The following ASIC2 variants were observed in gnomAD, a reference collection of about 807,000 sequenced individuals.
The protein encoded by ASIC2 is acid-sensing ion channel 2.
Under a neutral mutation model 57.3 loss-of-function variants are expected in ASIC2, and 25 were observed. The ratio of observed to expected loss-of-function variants is 0.44; its 90% CI spans 0.32 to 0.61. ASIC2 has a LOEUF of 0.61. ASIC2 is among the 20% of genes least tolerant of loss of function. The pLI, the probability that ASIC2 is intolerant of heterozygous loss-of-function variation, is 0.06. For missense variants in ASIC2, 641 were observed against 738.1 expected (o/e 0.87, Z 1.52); for synonymous variants, 319 against 307.5 (o/e 1.04, Z -0.39).
chr17:33,813,215 A>C (rs891307699), intron 1 of ASIC2, among the ~76,000 whole-genome samples: 1 of 152,140 alleles, frequency 6.6e-6, no homozygotes, highest in African/African-American at 2.4e-5. Context: ...AGAGGTAGAG[A>C]GCAAAGAGCC....
At chr17:33,071,066 G>A (rs1044225937) in intron 3 of ASIC2, among the ~76,000 whole-genome samples, 1 of 151,912 alleles carries the variant, frequency 6.6e-6, no homozygotes. Context: ...GAGCAATTTC[G>A]GTATGACTTT....
intron 1 of ASIC2, among the ~76,000 whole-genome samples, chr17:33,869,069 G>A (rs1303017615): frequency 6.6e-6 from 1 of 152,012 alleles, no homozygotes; most frequent in Non-Finnish European, 1.5e-5. Flanking sequence ...TGTCTCAAAA[G>A]AGAAAACAAA....
intron 1 of ASIC2, among the ~76,000 whole-genome samples, chr17:33,742,436 C>T (rs1017674346): frequency 2.0e-5 from 3 of 152,172 alleles, no homozygotes; most frequent in Non-Finnish European, 2.9e-5. Flanking sequence ...GCACTGTGTT[C>T]GCTCTTGCTG....
At position 34,123,590 on chromosome 17, in the gene ASIC2, G is replaced by C. The variant is rs377540012; in HGVS notation, c.555+32388C>G. On this transcript the variant is annotated intron_variant, in intron 1 of 9. Transcript: ENST00000359872. The stretch of plus-strand genomic sequence containing the variant: ...ACTGCATAGGTGGTGTATTGGCTAA[G>C]AGCCTGGAGTCTACAACCAGATAGT... 2.8e-4 allele frequency among the ~76,000 whole-genome samples: 43 copies of C among 152,304 alleles called. 1 individual carries two copies. The highest frequency in any genetic ancestry group is 1.7e-3 in the East Asian group (9 of 5,172).
chr17:33,651,480 C>T (rs911113109), intron 1 of ASIC2, among the ~76,000 whole-genome samples: 6 of 152,186 alleles, frequency 3.9e-5, no homozygotes, highest in African/African-American at 1.2e-4. Context: ...GATGTGCATT[C>T]GCAAGCTGCC....
intron 3 of ASIC2, among the ~76,000 whole-genome samples, chr17:33,051,377 G>A (rs2091975301): frequency 6.6e-6 from 1 of 152,164 alleles, no homozygotes; most frequent in Non-Finnish European, 1.5e-5. Flanking sequence ...CTCTTTCTGG[G>A]TTACTGTGTG....
chr17:33,993,869 C>T (rs923799981), intron 1 of ASIC2, among the ~76,000 whole-genome samples: 2 of 152,132 alleles, frequency 1.3e-5, no homozygotes, highest in African/African-American at 2.4e-5. Flanking sequence ...CGGGCTTTTT[C>T]AGTTAAAAAT....
At chr17:33,683,288 G>T (rs144251591) in intron 1 of ASIC2, among the ~76,000 whole-genome samples, 1 of 152,156 alleles carries the variant, frequency 6.6e-6, no homozygotes, top group African/African-American at 2.4e-5. Context: ...GGATGGTCTC[G>T]ATCTCCTGAC....
rs1046944765 is a variant in ASIC2, at chr17:33,037,764, G to A, written c.988-9372C>T. On this transcript the variant is annotated intron_variant, in intron 3 of 9. Coordinates refer to ENST00000225823, the MANE Select transcript of ASIC2 (RefSeq NM_183377.2). ...TATTTTTGTTGCAGGCACTGTGGTAGGTAGGCACATTATAAGCATTGGATA... is the reference window on the plus strand; with the variant it reads ...TATTTTTGTTGCAGGCACTGTGGTAAGTAGGCACATTATAAGCATTGGATA... Among the ~76,000 whole-genome samples the A allele has an allele frequency of 1.1e-4, 16 of 152,300 alleles. No homozygotes were observed. The East Asian group carries it at 2.1e-3, about 20-fold the overall frequency.
At chr17:33,754,023 A>G (rs911415187) in intron 1 of ASIC2, among the ~76,000 whole-genome samples, 18 of 152,162 alleles carry the variant, frequency 1.2e-4, no homozygotes, top group African/African-American at 4.3e-4. Flanking sequence ...GTTTCTATGC[A>G]CCTAAAACTG....
chr17:33,162,112 C>T (rs1182344150), intron 1 of ASIC2, among the ~76,000 whole-genome samples: 2 of 152,118 alleles, frequency 1.3e-5, no homozygotes, highest in Non-Finnish European at 2.9e-5. Flanking sequence ...GCAGTCATCT[C>T]TTCCAAGGAA....
At chr17:33,432,527 T>G (rs1911456424) in intron 1 of ASIC2, among the ~76,000 whole-genome samples, 2 of 152,194 alleles carry the variant, frequency 1.3e-5, no homozygotes. Flanking sequence ...TTCATGATGA[T>G]TCACCTCCAC....
intron 1 of ASIC2, among the ~76,000 whole-genome samples, chr17:33,795,581 T>C (rs1484361830): frequency 6.6e-6 from 1 of 152,228 alleles, no homozygotes; most frequent in East Asian, 1.9e-4. Flanking sequence ...CCATCCCTTC[T>C]GTCCACTGAG....
In ASIC2 at chr17:34,000,140, C is replaced by T. The variant is rs564980191; in HGVS notation, c.555+155838G>A. Among the ~76,000 whole-genome samples the T allele has an allele frequency of 3.3e-5, 5 of 151,588 alleles. No individual in the cohort carries two copies. The South Asian group carries it at 8.4e-4, about 25-fold the overall frequency. ...TTCTGCTAAGAAATCAATTGATACA[C>T]TTCTGGAGGTTCCCTTGCATGTGAC... On this transcript the variant is annotated intron_variant, in intron 1 of 9. Coordinates refer to the ASIC2 transcript ENST00000359872.
intron 1 of ASIC2, among the ~76,000 whole-genome samples, chr17:33,360,768 A>G (rs1908570421): frequency 6.6e-6 from 1 of 152,150 alleles, no homozygotes; most frequent in Non-Finnish European, 1.5e-5. Context: ...CATATAGAAG[A>G]TCTATGGCTA....
chr17:33,642,961 T>C (rs1350180675), intron 1 of ASIC2, among the ~76,000 whole-genome samples: 1 of 152,162 alleles, frequency 6.6e-6, no homozygotes, highest in Non-Finnish European at 1.5e-5. Context: ...AGCACACTAA[T>C]TTGTTGACCA....
chr17:33,889,342 G>C (rs181685648), intron 1 of ASIC2, among the ~76,000 whole-genome samples: 2 of 152,254 alleles, frequency 1.3e-5, no homozygotes, highest in East Asian at 3.9e-4. Flanking sequence ...AGTGAGGGAA[G>C]TGAATTCTCT....
intron 1 of ASIC2, among the ~76,000 whole-genome samples, chr17:33,413,490 C>G (rs1173009451): frequency 6.6e-6 from 1 of 152,240 alleles, no homozygotes; most frequent in Non-Finnish European, 1.5e-5. Context: ...TGCTGCCACT[C>G]TGGTCCAAGC....
intron 1 of ASIC2, among the ~76,000 whole-genome samples, chr17:33,422,724 C>T (rs1911088639): frequency 6.6e-6 from 1 of 152,104 alleles, no homozygotes; most frequent in Non-Finnish European, 1.5e-5. Flanking sequence ...TTTTTCCTCT[C>T]ACAGGTGCTG....
Sources: gnomAD v4.1 joint callset for allele counts (sites outside exome capture counted in the v4.1 genomes callset) on GRCh38, gnomAD v4.1.1 for gene constraint, MANE v1.5 for transcripts, NCBI Gene and HGNC (gene_info 2026-07-23, HGNC 2026-07-21) for gene names.